The following CACNA1C variants were observed in gnomAD, a reference collection of about 807,000 sequenced individuals.
The protein encoded by CACNA1C is calcium voltage-gated channel subunit alpha1 C.
CACNA1C carries 30 observed loss-of-function variants against 229.0 expected under a neutral mutation model. The observed-to-expected ratio is 0.13, with a 90% confidence interval of 0.10 to 0.18. CACNA1C has a LOEUF of 0.18. Ranked by LOEUF, CACNA1C falls within the 10% of genes least tolerant of loss-of-function variation. The pLI, the probability that CACNA1C is intolerant of heterozygous loss-of-function variation, is 1.00. For synonymous variants in CACNA1C, 1,114 were observed against 1,132.5 expected (o/e 0.98, Z 0.33); for missense variants, 1,658 against 2,845.0 (o/e 0.58, Z 9.49).
chr12:2,457,133 GA>G (rs111953684), intron 4 of CACNA1C, among the ~76,000 whole-genome samples: 177 of 152,350 alleles, frequency 1.2e-3, no homozygotes, highest in African/African-American at 3.8e-3. Context: ...ACAAGTCAAA[GA>G]GGGGGGGTAT....
chr12:2,412,269 G>A (rs547790198), intron 3 of CACNA1C, among the ~76,000 whole-genome samples: 3 of 152,292 alleles, frequency 2.0e-5, no homozygotes, highest in East Asian at 1.9e-4. Flanking sequence ...AGCACACACC[G>A]GAGAGGCCTT....
chr12:2,173,148 G>A (rs1231833551), intron 3 of CACNA1C, among the ~76,000 whole-genome samples: 1 of 152,176 alleles, frequency 6.6e-6, no homozygotes, highest in Non-Finnish European at 1.5e-5. Flanking sequence ...CCACTTCACT[G>A]CCCTGAGAGA....
chr12:2,582,258 C>T (rs2060797791), intron 14 of CACNA1C, among the ~76,000 whole-genome samples: 1 of 151,942 alleles, frequency 6.6e-6, no homozygotes, highest in South Asian at 2.1e-4. Flanking sequence ...TGACGAAACC[C>T]TGGCTTTCCT....
chr12:2,587,343 A>AAGAC (rs2062961674), intron 18 of CACNA1C, among the ~76,000 whole-genome samples: 1 of 152,326 alleles, frequency 6.6e-6, no homozygotes, highest in African/African-American at 2.4e-5. Flanking sequence ...TTTAAAATGA[A>AAGAC]AGACAGTAAT....
At chr12:2,202,729 T>G (rs1262025823) in intron 3 of CACNA1C, among the ~76,000 whole-genome samples, 4 of 152,174 alleles carry the variant, frequency 2.6e-5, no homozygotes, top group Non-Finnish European at 5.9e-5. Context: ...GAAGCATCCT[T>G]GGACGCTTAT....
At position 2,082,600 on chromosome 12, in the gene CACNA1C, G is replaced by A. The variant is rs144895664; in HGVS notation, c.49+28989G>A. Among the ~76,000 whole-genome samples, 113 of 152,250 alleles carry A rather than the reference G, an allele frequency of 7.4e-4. 1 individual carries two copies. The highest frequency in any genetic ancestry group is 2.4e-3 in the African/African-American group (100 of 41,536). On this transcript the variant is annotated intron_variant, in intron 1 of 46. Coordinates refer to ENST00000399655, the MANE Select transcript of CACNA1C (RefSeq NM_000719.7). ...CACACCTGCCTTTACCATCTGTTCA[G>A]GATGCTCCTGGCACCTTGACCCTGC...
At position 2,639,460 on chromosome 12, in the gene CACNA1C, T is replaced by C. The variant is rs114111723; in HGVS notation, c.3912+5080T>C. 3.5e-4 allele frequency among the ~76,000 whole-genome samples: 53 copies of C among 152,330 alleles called. No individual in the cohort carries two copies. Among genetic ancestry groups the C allele is most frequent in the African/African-American group, 1.3e-3 (52 of 41,568 alleles). On this transcript the variant is annotated intron_variant, in intron 30 of 46. Transcript: ENST00000399655. This position sits in a 1 kb window ranked among gnomAD's most constrained non-coding sequence, Gnocchi z 4.2. ...GAACAATAGAAAGTGCTGGGCAGCC[T>C]GAATTCCTGCATTATGGACATAGAG... is the stretch of plus-strand genomic sequence containing the variant.
intron 3 of CACNA1C, among the ~76,000 whole-genome samples, chr12:2,306,090 A>AC (rs2094993672): frequency 6.6e-6 from 1 of 152,218 alleles, no homozygotes; most frequent in South Asian, 2.1e-4. Context: ...AGGCAGCCTC[A>AC]CTGCAGTCCT....
intron 3 of CACNA1C, among the ~76,000 whole-genome samples, chr12:2,412,501 C>T (rs1033953818): frequency 1.1e-4 from 17 of 152,230 alleles, no homozygotes; most frequent in African/African-American, 3.6e-4. Context: ...AGACAGGCGC[C>T]CCCGCGGCCA....
rs576792984 is a variant in CACNA1C, at chr12:2,344,198, C to T, written c.478-104778C>T. Among the ~76,000 whole-genome samples the T allele has an allele frequency of 1.1e-4, 17 of 152,158 alleles. No homozygotes were observed. The South Asian group carries it at 3.3e-3, about 30-fold the overall frequency. ...ATCTCACACATCATGCTTTTAAGGC[C>T]GATTGCTACTACTGTTAGGAAATTT... On this transcript the variant is annotated intron_variant, in intron 3 of 46. Coordinates refer to ENST00000399655, the MANE Select transcript of CACNA1C (RefSeq NM_000719.7).
intron 3 of CACNA1C, among the ~76,000 whole-genome samples, chr12:2,290,654 G>A (rs1263944417): frequency 6.6e-6 from 1 of 152,126 alleles, no homozygotes; most frequent in Non-Finnish European, 1.5e-5. Flanking sequence ...GCTTGTACCT[G>A]GCTTTATTAG....
intron 3 of CACNA1C, among the ~76,000 whole-genome samples, chr12:2,169,061 A>G (rs977680611): frequency 6.6e-6 from 1 of 152,180 alleles, no homozygotes; most frequent in African/African-American, 2.4e-5. Context: ...CGCCTTCAGC[A>G]TGACACATTT....
At chr12:2,225,822 G>A (rs1229170309) in intron 3 of CACNA1C, among the ~76,000 whole-genome samples, 1 of 152,134 alleles carries the variant, frequency 6.6e-6, no homozygotes, top group African/African-American at 2.4e-5. Flanking sequence ...ACCATCATGA[G>A]GATGAGATCC....
intron 3 of CACNA1C, among the ~76,000 whole-genome samples, chr12:2,405,307 T>C (rs774631613): frequency 2.0e-5 from 3 of 152,182 alleles, no homozygotes; most frequent in Non-Finnish European, 4.4e-5. Context: ...GCATGTATAG[T>C]TCTGTGTTGT....
intron 1 of CACNA1C, among the ~76,000 whole-genome samples, chr12:2,089,177 G>A (rs1016619916): frequency 2.0e-5 from 3 of 152,160 alleles, no homozygotes; most frequent in African/African-American, 7.2e-5. Flanking sequence ...TTGCATGAGT[G>A]TATAGACAAT....
At chr12:2,407,343 G>A (rs7295978) in intron 3 of CACNA1C, among the ~76,000 whole-genome samples, 43 of 135,104 alleles carry the variant, frequency 3.2e-4, no homozygotes, top group African/African-American at 1.1e-3. Flanking sequence ...TAGCCGTCCT[G>A]ATAAGTGTGC....
intron 30 of CACNA1C, among the ~76,000 whole-genome samples, chr12:2,640,953 C>A (rs1481914425): frequency 6.6e-6 from 1 of 152,232 alleles, no homozygotes; most frequent in African/African-American, 2.4e-5. Context: ...CGGCCTGCAA[C>A]CCACAGTGCT....
intron 3 of CACNA1C, among the ~76,000 whole-genome samples, chr12:2,128,811 TTGC>T (rs1358842949): frequency 4.6e-5 from 7 of 152,230 alleles, no homozygotes; most frequent in Non-Finnish European, 7.3e-5. Context: ...CCTAAGTGCC[TTGC>T]GTATAAATGC....
In CACNA1C at chr12:2,585,417, C is replaced by T. The variant is rs771393283; in HGVS notation, c.2381C>T (p.Pro794Leu). The change falls in exon 17 of 47, where the codon CCG becomes CTG. Residue 794 changes from proline (P) to leucine (L), a missense_variant. By Grantham distance (98) the Pro-to-Leu change is moderately conservative. Around this residue, in one of 20 missense-constraint regions of CACNA1C, gnomAD observed 121 missense variants for 128.8 expected, o/e 0.94. Coordinates refer to ENST00000399655, the MANE Select transcript of CACNA1C (RefSeq NM_000719.7). This position sits in a 1 kb window ranked among gnomAD's most constrained non-coding sequence, Gnocchi z 4.1. ...AAGAAACAAGAGTTGGTGGAGAAGCCGGCAGTGGGGGAATCCAAGGAGGAG... is the reference window on the plus strand; with the variant it reads ...AAGAAACAAGAGTTGGTGGAGAAGCTGGCAGTGGGGGAATCCAAGGAGGAG... ...PEKKQELVEK[P>L]AVGESKEEKI... 1.1e-5 allele frequency: 18 copies of T among 1,611,288 alleles called. No individual in the cohort carries two copies. Among genetic ancestry groups the T allele is most frequent in the South Asian group, 2.2e-5 (2 of 90,638 alleles).
Sources: gnomAD v4.1 joint callset for allele counts (sites outside exome capture counted in the v4.1 genomes callset) on GRCh38, gnomAD v4.1.1 for gene constraint, gnomAD v4.1.1 regional missense constraint, Gnocchi (gnomAD v3.1) non-coding constraint, MANE v1.5 for transcripts, NCBI Gene and HGNC (gene_info 2026-07-23, HGNC 2026-07-21) for gene names.